The following ZC3H8 variants were observed in gnomAD, a reference collection of about 807,000 sequenced individuals.
ZC3H8 encodes the protein zinc finger CCCH domain-containing protein 8.
A neutral mutation model predicts 42.5 loss-of-function variants in ZC3H8; 27 were observed. The ratio of observed to expected loss-of-function variants is 0.64; its 90% CI spans 0.47 to 0.88. The LOEUF (loss-of-function observed/expected upper bound fraction) is 0.88. ZC3H8 is among the 40% of genes least tolerant of loss of function. The probability of loss-of-function intolerance (pLI) is 0.00; values close to 1 mark genes in which losing one functional copy is unlikely to be tolerated. For missense variants in ZC3H8, 277 were observed against 336.1 expected (o/e 0.82, Z 1.37); for synonymous variants, 101 against 110.1 (o/e 0.92, Z 0.52).
At chr2:112,237,152 T>C (rs1280693716) in intron 3 of ZC3H8, among the ~76,000 whole-genome samples, 1 of 152,220 alleles carries the variant, frequency 6.6e-6, no homozygotes, top group African/African-American at 2.4e-5. Context: ...AGTGATCAGT[T>C]TTCCTAGAAG....
At chr2:112,235,242 A>C (rs564104170) in intron 4 of ZC3H8, among the ~76,000 whole-genome samples, 4 of 152,362 alleles carry the variant, frequency 2.6e-5, no homozygotes, top group African/African-American at 9.6e-5. Context: ...ATTTCCACTT[A>C]GCACCATCAA....
chr2:112,241,920 A>C (rs1418781702), intron 2 of ZC3H8, among the ~76,000 whole-genome samples: 2 of 152,238 alleles, frequency 1.3e-5, no homozygotes, highest in African/African-American at 4.8e-5. Flanking sequence ...AGGGGTCCAT[A>C]GGCTTCACCA....
chr2:112,254,824 C>T (rs1020884198), intron 1 of ZC3H8, 84 bp downstream of exon 1: 6 of 1,478,926 alleles, frequency 4.1e-6, no homozygotes, highest in Non-Finnish European at 4.6e-6. Context: ...GACGTGGCCC[C>T]GGACTGCCTC....
At position 112,213,946 on chromosome 2, in the gene ZC3H8, ATT is replaced by A. The variant is rs1210640540; in HGVS notation, c.*2536_*2537del. Reference sequence around the variant, plus strand: ...TTCCATAATGAAGACCCACTTAAGAATTTTTTTTTTTTTTTTTTTGAGACGGA... The same window carrying A: ...TTCCATAATGAAGACCCACTTAAGAATTTTTTTTTTTTTTTTTGAGACGGA... On this transcript the variant is annotated 3_prime_UTR_variant, in exon 9 of 9. Coordinates refer to ENST00000409573, the MANE Select transcript of ZC3H8 (RefSeq NM_032494.3). The A allele has an allele frequency of 8.9e-5, 12 of 134,744 alleles. No individual in the cohort carries two copies. The highest frequency in any genetic ancestry group is 4.3e-4 in the East Asian group (2 of 4,692). The allele number at this position is 134,744 out of a possible 1,614,324, so 8.3% of individuals were successfully genotyped here.
chr2:112,235,540 A>G (rs1428584189), intron 4 of ZC3H8, among the ~76,000 whole-genome samples: 2 of 152,158 alleles, frequency 1.3e-5, no homozygotes, highest in East Asian at 3.9e-4. Context: ...CTGTATATAA[A>G]TGTTTTTCAA....
intron 8 of ZC3H8, 141 bp downstream of exon 8, chr2:112,230,762 A>G: frequency 2.1e-6 from 1 of 481,626 alleles, no homozygotes; most frequent in Non-Finnish European, 3.3e-6. Context: ...GTATGTAAAT[A>G]TATCAAATAT....
intron 4 of ZC3H8, among the ~76,000 whole-genome samples, chr2:112,235,832 T>C (rs1008327570): frequency 1.3e-5 from 2 of 151,544 alleles, no homozygotes; most frequent in African/African-American, 4.9e-5. Flanking sequence ...TGAGGGACTT[T>C]AGTAGTAAAA....
chr2:112,216,126 C>T lies in ZC3H8; in HGVS notation c.*358G>A, dbSNP rs1203402561. ...CTCAAACCTCCTCTACCTCTTTACT[C>T]ACCCTCACTCAGCCTAACCTTGCTT... is the stretch of plus-strand genomic sequence containing the variant. On this transcript the variant is annotated 3_prime_UTR_variant, in exon 9 of 9. Coordinates refer to ENST00000409573, the MANE Select transcript of ZC3H8 (RefSeq NM_032494.3). 1 of 152,208 alleles carries T rather than the reference C, an allele frequency of 6.6e-6. No homozygotes were observed. Among genetic ancestry groups the T allele is most frequent in the Non-Finnish European group, 1.5e-5 (1 of 68,034 alleles). 9.4% of individuals were successfully genotyped at this position (152,208 alleles called of 1,614,324 possible).
chr2:112,217,180 C>T lies in ZC3H8; in HGVS notation c.*16-712G>A, dbSNP rs553085899. 1.7e-3 allele frequency among the ~76,000 whole-genome samples: 265 copies of T among 152,104 alleles called. 1 individual carries two copies. The highest frequency in any genetic ancestry group is 6.3e-3 in the African/African-American group (260 of 41,502). ...GCTCAGGAGTTCGAGACCAGCCTGG[C>T]CAACATGGTGAAACCCCACTTCTAC... On this transcript the variant is annotated intron_variant, in intron 8 of 8. Coordinates refer to ENST00000409573, the MANE Select transcript of ZC3H8 (RefSeq NM_032494.3).
rs531208651 is a variant in ZC3H8, at chr2:112,237,312, T to A, written c.371-617A>T. Among the ~76,000 whole-genome samples the A allele has an allele frequency of 2.6e-5, 4 of 152,358 alleles. No homozygotes were observed. In the East Asian group the frequency reaches 7.7e-4, roughly 29 times the overall value. On this transcript the variant is annotated intron_variant, in intron 3 of 8. Coordinates refer to ENST00000409573, the MANE Select transcript of ZC3H8 (RefSeq NM_032494.3). ...TTCTAAGGCAGATCCTTTTGAAGTG[T>A]TCAGAGTATGATGGATCTAATTAGG...
At chr2:112,237,836 G>C (rs935005345) in intron 3 of ZC3H8, among the ~76,000 whole-genome samples, 1 of 152,024 alleles carries the variant, frequency 6.6e-6, no homozygotes, top group African/African-American at 2.4e-5. Flanking sequence ...CAAAGTGCTG[G>C]GATTACAGGC....
intron 8 of ZC3H8, among the ~76,000 whole-genome samples, chr2:112,221,381 C>T (rs1303712063): frequency 6.6e-6 from 1 of 152,186 alleles, no homozygotes; most frequent in Non-Finnish European, 1.5e-5. Context: ...ATGCGACATG[C>T]TGGCTCCTCA....
At chr2:112,241,009 T>TTG (rs3048247) in intron 2 of ZC3H8, among the ~76,000 whole-genome samples, 48,540 of 145,354 alleles carry the variant, frequency 0.33, 8,408 homozygotes, top group Middle Eastern at 0.49. Flanking sequence ...GTGTTGTGTT[T>TTG]TGTGTGTGTG....
At position 112,238,450 on chromosome 2, in the gene ZC3H8, T is replaced by C. The variant is rs1041429282; in HGVS notation, c.235A>G (p.Asn79Asp). ...RSKDYDVYSD[N>D]DICSQESEDN... ...TCTGATTCCTGACTGCAGATATCAT[T>C]ATCACTATATACATCATAGTCCTTA... The change falls in exon 3 of 9, where the codon AAT (asparagine) becomes GAT (aspartate). Residue 79 changes from asparagine (N) to aspartate (D), a missense_variant. Physicochemically the swap from Asn to Asp is conservative, Grantham distance 23. Coordinates refer to ENST00000409573, the MANE Select transcript of ZC3H8 (RefSeq NM_032494.3). The C allele has an allele frequency of 6.2e-7, 1 of 1,613,490 alleles. No homozygotes were observed. The highest frequency in any genetic ancestry group is 1.3e-5 in the African/African-American group (1 of 75,066).
intron 2 of ZC3H8, among the ~76,000 whole-genome samples, chr2:112,245,921 A>G (rs978870180): frequency 2.6e-5 from 4 of 152,200 alleles, no homozygotes; most frequent in African/African-American, 9.7e-5. Flanking sequence ...AATTTATACA[A>G]ATAAAATACT....
chr2:112,227,625 C>G (rs1034993557), intron 8 of ZC3H8, among the ~76,000 whole-genome samples: 1 of 152,112 alleles, frequency 6.6e-6, no homozygotes, highest in Non-Finnish European at 1.5e-5. Context: ...TAAATGAATT[C>G]GAAGTCTTGG....
Position 112,252,952 on chromosome 2 carries a change from T to G in ZC3H8, c.74+1956A>C, listed in dbSNP as rs192653959. Among the ~76,000 whole-genome samples, 787 of 152,098 alleles carry G rather than the reference T, an allele frequency of 5.2e-3. 9 individuals are homozygous for G. Among genetic ancestry groups the G allele is most frequent in the African/African-American group, 0.018 (741 of 41,500 alleles). Reference sequence around the variant, plus strand: ...AGGTCAGGAGATCGAGACCATCCTGTCTAACATGGTGAAACCCCGTCTCTA... The same window carrying G: ...AGGTCAGGAGATCGAGACCATCCTGGCTAACATGGTGAAACCCCGTCTCTA... On this transcript the variant is annotated intron_variant, in intron 1 of 8. Coordinates refer to ENST00000409573, the MANE Select transcript of ZC3H8 (RefSeq NM_032494.3).
intron 1 of ZC3H8, among the ~76,000 whole-genome samples, chr2:112,251,566 A>G (rs1364754659): frequency 6.6e-6 from 1 of 152,242 alleles, no homozygotes; most frequent in Non-Finnish European, 1.5e-5. Context: ...CAACACTTGA[A>G]TGATGCTTAC....
At chr2:112,250,082 A>G in intron 2 of ZC3H8, 109 bp downstream of exon 2, 2 of 743,464 alleles carry the variant, frequency 2.7e-6, no homozygotes, top group Non-Finnish European at 4.1e-6. Flanking sequence ...ATCCTTCATT[A>G]ATTTCTCATA....
Sources: gnomAD v4.1 joint callset for allele counts (sites outside exome capture counted in the v4.1 genomes callset) on GRCh38, gnomAD v4.1.1 for gene constraint, MANE v1.5 for transcripts, NCBI Gene and HGNC (gene_info 2026-07-23, HGNC 2026-07-21) for gene names.